The following ST18 variants were observed in gnomAD, a reference collection of about 807,000 sequenced individuals.
ST18 encodes the protein suppression of tumorigenicity 18 protein.
Under a neutral mutation model 110.0 loss-of-function variants are expected in ST18, and 50 were observed. The observed-to-expected ratio is 0.45, with a 90% CI of 0.36 to 0.58. The LOEUF (loss-of-function observed/expected upper bound fraction) is 0.58. Among genes scored for constraint, ST18 ranks in the 20% least tolerant of loss-of-function variants. The probability of loss-of-function intolerance (pLI) is 0.00; values close to 1 mark genes in which losing one functional copy is unlikely to be tolerated. For missense variants in ST18, 1,306 were observed against 1,280.1 expected (o/e 1.02, Z -0.31); for synonymous variants, 461 against 452.4 (o/e 1.02, Z -0.24).
Position 52,166,978 on chromosome 8 carries a change from T to C in ST18, c.1078A>G (p.Arg360Gly), listed in dbSNP as rs2063229010. ...RQIFNNKHSPRPEKRETKCPI... is the reference protein window; with the variant it reads ...RQIFNNKHSPGPEKRETKCPI... ...CACTTGGTCTCCCTCTTTTCAGGCCTTGGTGAATCTATGGAGAAATTCAAT... is the reference window on the plus strand; with the variant it reads ...CACTTGGTCTCCCTCTTTTCAGGCCCTGGTGAATCTATGGAGAAATTCAAT... Residue 360 changes from arginine (R) to glycine (G), a missense_variant, in exon 11 of 26, where the codon AGG (arginine) becomes GGG (glycine). Physicochemically the swap from Arg to Gly is moderately radical, Grantham distance 125 (BLOSUM62 -2). Transcript: ENST00000689386. 3.1e-6 allele frequency: 5 copies of C among 1,607,088 alleles called. No individual in the cohort carries two copies. Among genetic ancestry groups the C allele is most frequent in the South Asian group, 2.2e-5 (2 of 90,196 alleles).
At chr8:52,263,720 C>G (rs571459803) in intron 2 of ST18, among the ~76,000 whole-genome samples, 1 of 141,122 alleles carries the variant, frequency 7.1e-6, no homozygotes, top group African/African-American at 2.8e-5. Context: ...GCTGGGATTA[C>G]AGGTGTGAGT....
intron 2 of ST18, among the ~76,000 whole-genome samples, chr8:52,374,031 AGT>A (rs2140679759): frequency 6.6e-6 from 1 of 152,300 alleles, no homozygotes; most frequent in South Asian, 2.1e-4. Context: ...CCTCTCTCTC[AGT>A]GGACTGTCTT....
chr8:52,342,345 C>T (rs978384165), intron 2 of ST18, among the ~76,000 whole-genome samples: 6 of 146,838 alleles, frequency 4.1e-5, no homozygotes, highest in East Asian at 4.1e-4. Flanking sequence ...AAAGACTCTA[C>T]GATCTTATAT....
intron 2 of ST18, among the ~76,000 whole-genome samples, chr8:52,400,720 C>T (rs1157582837): frequency 1.3e-5 from 2 of 152,118 alleles, no homozygotes; most frequent in African/African-American, 4.8e-5. Flanking sequence ...TCTCCCCTGT[C>T]ATCCACAATT....
intron 22 of ST18, among the ~76,000 whole-genome samples, chr8:52,130,014 C>A (rs752099136): frequency 6.7e-6 from 1 of 150,294 alleles, no homozygotes; most frequent in Non-Finnish European, 1.5e-5. Context: ...CCACTGCACT[C>A]CAGCATGGGC....
intron 9 of ST18, among the ~76,000 whole-genome samples, chr8:52,179,913 T>C (rs2068667058): frequency 6.6e-6 from 1 of 152,210 alleles, no homozygotes; most frequent in Non-Finnish European, 1.5e-5. Context: ...AGACTCTCTG[T>C]TGCTTATTTA....
At chr8:52,130,119 A>AAAAGAAAAGAAAGAAAGAAAG (rs1554585623) in intron 22 of ST18, among the ~76,000 whole-genome samples, 1 of 105,164 alleles carries the variant, frequency 9.5e-6, no homozygotes, top group African/African-American at 4.1e-5. Context: ...AGAAAGAAAG[A>AAAAGAAAAGAAAGAAAGAAAG]AAAGAAAGAA....
At chr8:52,315,060 C>T (rs1166940314) in intron 2 of ST18, among the ~76,000 whole-genome samples, 2 of 152,208 alleles carry the variant, frequency 1.3e-5, no homozygotes, top group Admixed American at 6.5e-5. Flanking sequence ...CTTGAAGAGA[C>T]ATCAGATTTC....
chr8:52,176,577 G>T (rs2067047135), intron 9 of ST18, among the ~76,000 whole-genome samples: 2 of 152,132 alleles, frequency 1.3e-5, no homozygotes, highest in South Asian at 2.1e-4. Flanking sequence ...AGGGAGCAGC[G>T]GCTGGAGCTG....
chr8:52,184,417 G>A (rs773038663), intron 8 of ST18, among the ~76,000 whole-genome samples: 7 of 152,098 alleles, frequency 4.6e-5, no homozygotes, highest in Non-Finnish European at 8.8e-5. Context: ...TTTTTTACCT[G>A]AAACTTTTTG....
intron 11 of ST18, 24 bp from the exon 12 acceptor site, chr8:52,165,249 G>A (rs377560156): frequency 1.2e-6 from 2 of 1,611,368 alleles, no homozygotes; most frequent in South Asian, 1.1e-5. Context: ...AACACATAAA[G>A]GAAAGAATAC....
At chr8:52,241,583 A>C (rs892864018) in intron 2 of ST18, among the ~76,000 whole-genome samples, 2 of 152,190 alleles carry the variant, frequency 1.3e-5, no homozygotes, top group African/African-American at 4.8e-5. Flanking sequence ...TGTGGCTCAT[A>C]AAGTTGTTAG....
intron 2 of ST18, among the ~76,000 whole-genome samples, chr8:52,346,692 T>C (rs530418144): frequency 2.6e-5 from 4 of 152,142 alleles, no homozygotes; most frequent in African/African-American, 4.8e-5. Flanking sequence ...TGAAGGAAAA[T>C]ATTTTTTTTA....
rs1427169518 is a variant in ST18 at position 52,180,318 on chromosome 8, G to A, written c.87-6C>T. 1.9e-6 allele frequency: 3 copies of A among 1,613,596 alleles called. No homozygotes were observed. Among genetic ancestry groups the A allele is most frequent in the Non-Finnish European group, 2.5e-6 (3 of 1,179,658 alleles). ...TGGAGCAATCATAGGCAACACTGTAGTGATTGAGGAAAATTAAGAATATGG... is the reference window on the plus strand; with the variant it reads ...TGGAGCAATCATAGGCAACACTGTAATGATTGAGGAAAATTAAGAATATGG... On this transcript the variant is annotated splice_region_variant and splice_polypyrimidine_tract_variant and intron_variant, in intron 8 of 25. Transcript: ENST00000689386.
At chr8:52,114,293 G>T (rs1302007813) in intron 25 of ST18, among the ~76,000 whole-genome samples, 1 of 151,738 alleles carries the variant, frequency 6.6e-6, no homozygotes, top group Non-Finnish European at 1.5e-5. Context: ...TGTATGTTTT[G>T]GTCTCTCCTT....
intron 17 of ST18, among the ~76,000 whole-genome samples, chr8:52,142,635 T>C (rs1225065894): frequency 6.6e-6 from 1 of 152,138 alleles, no homozygotes; most frequent in Non-Finnish European, 1.5e-5. Context: ...TGTTAGAAGG[T>C]TAGTAGAGTC....
At chr8:52,366,705 C>T (rs544772195) in intron 2 of ST18, among the ~76,000 whole-genome samples, 37 of 152,196 alleles carry the variant, frequency 2.4e-4, no homozygotes, top group African/African-American at 8.9e-4. Flanking sequence ...CCTCACCAGC[C>T]ACTTCCTTAC....
chr8:52,309,040 C>G (rs1238125866), intron 2 of ST18, among the ~76,000 whole-genome samples: 1 of 152,156 alleles, frequency 6.6e-6, no homozygotes, highest in Non-Finnish European at 1.5e-5. Flanking sequence ...GGGGAAAAAA[C>G]AAAACCTCAT....
chr8:52,347,813 C>T (rs966295382), intron 2 of ST18, among the ~76,000 whole-genome samples: 2 of 152,146 alleles, frequency 1.3e-5, no homozygotes, highest in Admixed American at 6.5e-5. Flanking sequence ...GATTCAAATC[C>T]ACCTCCTCTG....
Sources: gnomAD v4.1 joint callset for allele counts (sites outside exome capture counted in the v4.1 genomes callset) on GRCh38, gnomAD v4.1.1 for gene constraint, MANE v1.5 for transcripts, NCBI Gene and HGNC (gene_info 2026-07-23, HGNC 2026-07-21) for gene names.